The following VWA5B1 variants were observed in gnomAD, a reference collection of about 807,000 sequenced individuals.
VWA5B1 encodes the protein von Willebrand factor A domain containing 5B1, also known as von Willebrand factor A domain-containing protein 5B1.
VWA5B1 carries 115 observed loss-of-function variants against 118.2 expected under a neutral mutation model. That is an observed-to-expected ratio of 0.97 (90% CI 0.84 to 1.14). VWA5B1 has a LOEUF of 1.14. Among genes scored for constraint, VWA5B1 ranks in the 50% most tolerant of loss-of-function variants. The pLI, the probability that VWA5B1 is intolerant of heterozygous loss-of-function variation, is 0.00. For synonymous variants in VWA5B1, 682 were observed against 658.4 expected (o/e 1.04, Z -0.55); for missense variants, 1,596 against 1,603.8 (o/e 1.00, Z 0.08).
Position 20,312,843 on chromosome 1 carries a change from C to CGT in VWA5B1, c.150_151dup (p.Tyr51CysfsTer10). 3 of 1,549,332 alleles carry CGT rather than the reference C, an allele frequency of 1.9e-6. No individual in the cohort carries two copies. The highest frequency in any genetic ancestry group is 2.6e-6 in the Non-Finnish European group (3 of 1,145,456). ...TGGGCCCTGCTCCGACAGGCCTCTT[C>CGT]GTGTACCCCCTGGATGAGTGCACCA... On this transcript the variant is annotated frameshift_variant, in exon 3 of 22. Coordinates refer to ENST00000289815, the MANE Select transcript of VWA5B1 (RefSeq NM_001039500.3). LOFTEE classifies it high-confidence loss of function.
At chr1:20,352,004 G>A in intron 20 of VWA5B1, 51 bp from the exon 21 acceptor site, 4 of 1,433,686 alleles carry the variant, frequency 2.8e-6, no homozygotes, top group Non-Finnish European at 3.8e-6. Flanking sequence ...GGGCTTCTGG[G>A]TGGGCACTGG....
intron 1 of VWA5B1, among the ~76,000 whole-genome samples, chr1:20,296,223 C>T (rs1260904428): frequency 2.0e-5 from 3 of 152,186 alleles, no homozygotes; most frequent in Non-Finnish European, 4.4e-5. Context: ...TGTCCACTTA[C>T]AAAAGTAGTC....
chr1:20,325,640 A>G (rs1437965038), intron 8 of VWA5B1, among the ~76,000 whole-genome samples: 1 of 152,138 alleles, frequency 6.6e-6, no homozygotes, highest in Non-Finnish European at 1.5e-5. Context: ...TCGGACAATA[A>G]CTTTCTCTGG....
chr1:20,291,175 T>TGTGTGTGTGC (rs1267085088), intron 1 of VWA5B1, 87 bp downstream of exon 1: 3 of 122,280 alleles, frequency 2.5e-5, no homozygotes, highest in African/African-American at 1.4e-4. Flanking sequence ...AGTGTGTGTG[T>TGTGTGTGTGC]GTATGTGTGT....
chr1:20,294,740 C>T (rs867349836), intron 1 of VWA5B1, among the ~76,000 whole-genome samples: 3 of 152,024 alleles, frequency 2.0e-5, no homozygotes, highest in African/African-American at 4.8e-5. Context: ...CAGGCATGCA[C>T]CACCACGCCA....
chr1:20,349,048 G>A (rs879281910), intron 18 of VWA5B1: 27 of 281,076 alleles, frequency 9.6e-5, no homozygotes, highest in Non-Finnish European at 1.3e-4. Context: ...CAGAGGTCCC[G>A]CCTGGCCACT....
intron 1 of VWA5B1, among the ~76,000 whole-genome samples, chr1:20,304,372 T>C (rs1461485927): frequency 6.6e-6 from 1 of 152,058 alleles, no homozygotes; most frequent in Non-Finnish European, 1.5e-5. Context: ...ACCTGACGTG[T>C]TCAGGGCATG....
rs1008254363 is a variant in VWA5B1 at position 20,332,758 on chromosome 1, C to G, written c.1573-8C>G. The G allele has an allele frequency of 9.7e-6, 15 of 1,551,242 alleles. No individual in the cohort carries two copies. Among genetic ancestry groups the G allele is most frequent in the Admixed American group, 3.9e-5 (2 of 50,966 alleles). ...ATCCCCCAACTGCATTCTGACCCTGCCCTACAGATGGTCAAATCCTTGAAG... is the reference window on the plus strand; with the variant it reads ...ATCCCCCAACTGCATTCTGACCCTGGCCTACAGATGGTCAAATCCTTGAAG... On this transcript the variant is annotated splice_polypyrimidine_tract_variant and splice_region_variant and intron_variant, in intron 11 of 21. Transcript: ENST00000289815.
intron 1 of VWA5B1, among the ~76,000 whole-genome samples, chr1:20,294,659 AGTAGAGACGGG>A (rs1314585978): frequency 2.0e-5 from 3 of 151,952 alleles, no homozygotes; most frequent in Non-Finnish European, 4.4e-5. Flanking sequence ...TTGTATTTTT[AGTAGAGACGGG>A]GTTTCTCCAT....
intron 14 of VWA5B1, among the ~76,000 whole-genome samples, chr1:20,341,577 T>C (rs577412057): frequency 1.3e-5 from 2 of 152,368 alleles, no homozygotes; most frequent in Admixed American, 1.3e-4. Flanking sequence ...TTCCTGGGTT[T>C]ATTGGATACT....
intron 1 of VWA5B1, among the ~76,000 whole-genome samples, chr1:20,291,586 C>T (rs576850870): frequency 6.6e-6 from 1 of 152,122 alleles, no homozygotes; most frequent in South Asian, 2.1e-4. Flanking sequence ...TCCACCACTT[C>T]CTGGTCAGTC....
chr1:20,340,199 G>GCACA lies in VWA5B1; in HGVS notation c.2134-2215_2134-2212dup, dbSNP rs142332871. ...ACACGCAACACACTTATATGTGCGC[G>GCACA]CACACACACACACACACACACTCCA... is the stretch of plus-strand genomic sequence containing the variant. On this transcript the variant is annotated intron_variant, in intron 14 of 21. Transcript: ENST00000289815. Among the ~76,000 whole-genome samples the GCACA allele has an allele frequency of 9.1e-4, 135 of 148,772 alleles. 1 individual carries two copies. The highest frequency in any genetic ancestry group is 3.4e-3 in the East Asian group (17 of 5,040).
chr1:20,330,953 C>T lies in VWA5B1; in HGVS notation c.1542C>T (p.Leu514=), dbSNP rs2089535051. 1 of 1,550,880 alleles carries T rather than the reference C, an allele frequency of 6.4e-7. No homozygotes were observed. Among genetic ancestry groups the T allele is most frequent in the South Asian group, 1.2e-5 (1 of 83,936 alleles). Residue 514 remains leucine, a synonymous_variant, in exon 11 of 22, where the codon CTC becomes CTT. Coordinates refer to ENST00000289815, the MANE Select transcript of VWA5B1 (RefSeq NM_001039500.3). ...CTGTGTCCGAGGGCAGTGCTGAGCT[C>T]CTGATGGAGGGGGAGCGGCTGCAAC... The part of the protein sequence containing the change: ...LASVSEGSAE[L]LMEGERLQPK...
intron 8 of VWA5B1, among the ~76,000 whole-genome samples, chr1:20,326,560 G>A (rs1433698206): frequency 2.0e-5 from 3 of 152,060 alleles, no homozygotes; most frequent in African/African-American, 7.2e-5. Flanking sequence ...CCGCCTCCCG[G>A]GTTCAAGCAA....
chr1:20,349,375 A>T (rs2090076207), intron 18 of VWA5B1: 1 of 152,296 alleles, frequency 6.6e-6, no homozygotes, highest in African/African-American at 2.4e-5. Flanking sequence ...CCTTTATTTT[A>T]TTTATTTATT....
intron 1 of VWA5B1, among the ~76,000 whole-genome samples, chr1:20,306,020 C>A (rs994114119): frequency 6.6e-6 from 1 of 151,880 alleles, no homozygotes; most frequent in Non-Finnish European, 1.5e-5. Flanking sequence ...AAGGATGCAT[C>A]GATAAGAAAA....
chr1:20,306,148 G>A (rs934650888), intron 1 of VWA5B1, among the ~76,000 whole-genome samples: 2 of 152,168 alleles, frequency 1.3e-5, no homozygotes, highest in Admixed American at 6.5e-5. Context: ...AGAGCAGGAT[G>A]AGGGATCTGA....
chr1:20,348,239 G>A lies in VWA5B1; in HGVS notation c.2765-6G>A, dbSNP rs114056994. The A allele has an allele frequency of 9.7e-4, 1,509 of 1,551,340 alleles. 15 individuals carry two copies. The African/African-American group carries it at 0.017, about 17-fold the overall frequency. The stretch of plus-strand genomic sequence containing the variant: ...AACCACCCGCTTCCCCTTGTCTTCC[G>A]CGAAGGAGCTGCCCTGCGTATGCTT... On this transcript the variant is annotated splice_region_variant and splice_polypyrimidine_tract_variant and intron_variant, in intron 17 of 21. Coordinates refer to ENST00000289815, the MANE Select transcript of VWA5B1 (RefSeq NM_001039500.3).
intron 1 of VWA5B1, among the ~76,000 whole-genome samples, chr1:20,304,061 GC>G (rs1400266346): frequency 6.6e-6 from 1 of 152,180 alleles, no homozygotes. Flanking sequence ...CCTATTCAGA[GC>G]CCCTCCTCCA....
Sources: gnomAD v4.1 joint callset for allele counts (sites outside exome capture counted in the v4.1 genomes callset) on GRCh38, gnomAD v4.1.1 for gene constraint, MANE v1.5 for transcripts, NCBI Gene and HGNC (gene_info 2026-07-23, HGNC 2026-07-21) for gene names.